The following ZFP62 variants were observed in gnomAD, a reference collection of about 807,000 sequenced individuals.
The protein encoded by ZFP62 is ZFP62 zinc finger protein, also known as zinc finger protein 62 homolog.
ZFP62 carries 44 observed loss-of-function variants against 56.4 expected under a neutral mutation model. The observed-to-expected ratio is 0.78, with a 90% CI of 0.61 to 1.00. The LOEUF (loss-of-function observed/expected upper bound fraction) is 1.00, where lower values mean the gene tolerates loss of function less well. Among genes scored for constraint, ZFP62 ranks in the 50% least tolerant of loss-of-function variants. The pLI is 0.00. For synonymous variants in ZFP62, 421 were observed against 388.9 expected, an observed-to-expected ratio of 1.08 and a Z score of -0.97; for missense variants, 1,030 against 1,085.7, an observed-to-expected ratio of 0.95 and a Z score of 0.72.
Position 180,850,282 on chromosome 5 carries a change from T to G in ZFP62, c.1213A>C (p.Ser405Arg). The change falls in exon 2 of 2, where the codon AGC becomes CGC. Residue 405 changes from serine to arginine, a missense_variant. Ser to Arg is a moderately radical substitution (Grantham distance 110, BLOSUM62 -1). Coordinates refer to ENST00000502412, the MANE Select transcript of ZFP62 (RefSeq NM_001172638.2). Reference sequence around the variant, plus strand: ...CTTTTATGGACTGCGAGGCCTGAGCTATAGCTGAATGCTTTGCCACAGACA... The same window carrying G: ...CTTTTATGGACTGCGAGGCCTGAGCGATAGCTGAATGCTTTGCCACAGACA... ...CDVCGKAFSY[S>R]SGLAVHKSIH... 2 of 1,558,780 alleles carry G rather than the reference T, an allele frequency of 1.3e-6. No homozygotes were observed. The highest frequency in any genetic ancestry group is 2.4e-5 in the South Asian group (2 of 84,492).
the ZFP62 span, among the ~76,000 whole-genome samples, chr5:180,828,833 G>A: frequency 6.6e-6 from 1 of 152,208 alleles, no homozygotes; most frequent in African/African-American, 2.4e-5. Context: ...GGACGTGCAA[G>A]TAGGGAAGAT....
rs1041166952 is a variant in ZFP62, at chr5:180,848,968, T to G, written c.2527A>C (p.Asn843His). 2.6e-6 allele frequency: 4 copies of G among 1,551,758 alleles called. No individual in the cohort carries two copies. The African/African-American group carries it at 5.5e-5, about 21-fold the overall frequency. Reference sequence around the variant, plus strand: ...ATATTAAAAGCCTTACCACACTCATTACATCGGTATGGCTTCTTTCCAGTG... The same window carrying G: ...ATATTAAAAGCCTTACCACACTCATGACATCGGTATGGCTTCTTTCCAGTG... ...IHTGKKPYRC[N>H]ECGKAFNIRS... The change falls in exon 2 of 2, where the codon AAT (asparagine) becomes CAT (histidine). Residue 843 changes from asparagine (N) to histidine (H), a missense_variant. By Grantham distance (68) the Asn-to-His change is moderately conservative. Transcript: ENST00000502412.
chr5:180,849,714 C>A lies in ZFP62; in HGVS notation c.1781G>T (p.Cys594Phe), dbSNP rs1223628430. The change falls in exon 2 of 2, where the codon TGT becomes TTT. Residue 594 changes from cysteine to phenylalanine, a missense_variant. Coordinates refer to ENST00000502412, the MANE Select transcript of ZFP62 (RefSeq NM_001172638.2). ...TCGGTATGTGATGAAGGCCTTCTCA[C>A]ACTCGTCACACTTAAAGGGCTTCTC... Reference protein sequence around the residue: ...PGEKPFKCDECEKAFITYRTL... With the variant: ...PGEKPFKCDEFEKAFITYRTL... 3.2e-6 allele frequency: 5 copies of A among 1,551,758 alleles called. No individual in the cohort carries two copies. The highest frequency in any genetic ancestry group is 4.4e-6 in the Non-Finnish European group (5 of 1,147,092).
chr5:180,849,960 T>A lies in ZFP62; in HGVS notation c.1535A>T (p.Lys512Ile). ...EKPYKCSYCE[K>I]SFNYSSALEQ... ...AAGGGCAGAGCTGTAGTTGAAGGAT[T>A]TCTCACAATAGCTACATTTATAGGG... Residue 512 changes from lysine (K) to isoleucine (I), a missense_variant, in exon 2 of 2, where the codon AAA (lysine) becomes ATA (isoleucine). By Grantham distance (102) the Lys-to-Ile change is moderately radical. Coordinates refer to ENST00000502412, the MANE Select transcript of ZFP62 (RefSeq NM_001172638.2). 6.4e-7 allele frequency: 1 copy of A among 1,551,702 alleles called. No individual in the cohort carries two copies. Among genetic ancestry groups the A allele is most frequent in the Non-Finnish European group, 8.7e-7 (1 of 1,147,002 alleles).
At chr5:180,844,936 C>A (rs1380876703), downstream of ZFP62, among the ~76,000 whole-genome samples, 1 of 152,132 alleles carries the variant, frequency 6.6e-6, no homozygotes, top group African/African-American at 2.4e-5. Flanking sequence ...TATGCAAATA[C>A]TTCTCATTCT....
In ZFP62 at chr5:180,850,441, GAA is replaced by G; in HGVS notation, c.1052_1053del (p.Leu351ProfsTer5). ...ECEKSFNYSS[L>X]LIQHKVIHTG... ...GTGTGGATGACTTTATGCTGAATGA[GAA>G]GAGAGCTATAATTAAAAGATTTCTC... On this transcript the variant is annotated frameshift_variant, in exon 2 of 2. Transcript: ENST00000502412. LOFTEE classifies it high-confidence loss of function. 6.4e-7 allele frequency: 1 copy of G among 1,554,116 alleles called. No homozygotes were observed. The highest frequency in any genetic ancestry group is 8.7e-7 in the Non-Finnish European group (1 of 1,148,412).
chr5:180,845,833 CA>C (rs1164107103), downstream of ZFP62: 3 of 985,356 alleles, frequency 3.0e-6, no homozygotes, highest in African/African-American at 5.2e-5. Flanking sequence ...CCCTGCATTG[CA>C]GGATTGGTGT....
At chr5:180,856,247 C>T (rs993233500) in intron 1 of ZFP62, among the ~76,000 whole-genome samples, 1 of 152,162 alleles carries the variant, frequency 6.6e-6, no homozygotes, top group Admixed American at 6.5e-5. Context: ...TTCATCCAAT[C>T]CTCTTCTTGA....
downstream of ZFP62, chr5:180,845,775 T>C: frequency 1.0e-6 from 1 of 985,432 alleles, no homozygotes; most frequent in Non-Finnish European, 1.2e-6. Context: ...CTTCAGGTGT[T>C]GTCCTGGTGG....
chr5:180,833,492 A>AAC, the ZFP62 span, among the ~76,000 whole-genome samples: 5 of 150,062 alleles, frequency 3.3e-5, no homozygotes, highest in Admixed American at 1.3e-4. Context: ...AAAAAAAAAA[A>AAC]AAAAAGAGAA....
chr5:180,831,267 GC>G, the ZFP62 span: 1 of 152,754 alleles, frequency 6.5e-6, no homozygotes, highest in South Asian at 2.0e-4. Flanking sequence ...GAGCAGAGCG[GC>G]CCCAGGGCCT....
At chr5:180,859,210 A>G (rs1484005535) in intron 1 of ZFP62, among the ~76,000 whole-genome samples, 1 of 152,222 alleles carries the variant, frequency 6.6e-6, no homozygotes, top group African/African-American at 2.4e-5. Flanking sequence ...CATATTCCAC[A>G]AGACAATCTA....
At chr5:180,857,534 T>A (rs1774054981) in intron 1 of ZFP62, among the ~76,000 whole-genome samples, 1 of 152,238 alleles carries the variant, frequency 6.6e-6, no homozygotes, top group Non-Finnish European at 1.5e-5. Flanking sequence ...AGTCTTGCTC[T>A]GTTGCCCAGG....
downstream of ZFP62, chr5:180,845,761 C>G: frequency 2.0e-6 from 2 of 985,420 alleles, no homozygotes; most frequent in Non-Finnish European, 2.4e-6. Context: ...TCAGCTAACA[C>G]CATCTTCAGG....
chr5:180,849,430 T>G lies in ZFP62; in HGVS notation c.2065A>C (p.Ile689Leu). ...CCAGGGTGGGTACTCTTATGGTTAA[T>G]AAGGCTTGAGTGTGAGATGTAGGCT... ...GKAYISHSSLINHKSTHPGRT... is the reference protein window; with the variant it reads ...GKAYISHSSLLNHKSTHPGRT... Residue 689 changes from isoleucine (I) to leucine (L), a missense_variant, in exon 2 of 2, where the codon ATT (isoleucine) becomes CTT (leucine). Coordinates refer to ENST00000502412, the MANE Select transcript of ZFP62 (RefSeq NM_001172638.2). 1 of 1,551,514 alleles carries G rather than the reference T, an allele frequency of 6.4e-7. No homozygotes were observed. The highest frequency in any genetic ancestry group is 1.2e-5 in the South Asian group (1 of 84,016).
At chr5:180,853,754 T>C (rs599582) in intron 1 of ZFP62, among the ~76,000 whole-genome samples, 144,573 of 152,346 alleles carry the variant, frequency 0.95, 68,655 homozygotes, top group East Asian at 1. Context: ...GAGGTACAAA[T>C]AATTCAACTG....
chr5:180,835,800 T>C, the ZFP62 span: 2 of 152,228 alleles, frequency 1.3e-5, no homozygotes, highest in African/African-American at 2.4e-5. Context: ...CTATTTCAAG[T>C]GCAGTATGAA....
chr5:180,850,080 G>A lies in ZFP62; in HGVS notation c.1415C>T (p.Thr472Ile). Residue 472 changes from threonine (T) to isoleucine (I), a missense_variant, in exon 2 of 2, where the codon ACT (threonine) becomes ATT (isoleucine). Thr to Ile is a moderately conservative substitution (Grantham distance 89). Coordinates refer to ENST00000502412, the MANE Select transcript of ZFP62 (RefSeq NM_001172638.2). Reference sequence around the variant, plus strand: ...ATCACACTTATATGGTTTTTCCCCAGTATGGAGCCTCCTGTGGACTTTGAG... The same window carrying A: ...ATCACACTTATATGGTTTTTCCCCAATATGGAGCCTCCTGTGGACTTTGAG... ...AGLKVHRRLH[T>I]GEKPYKCDVC... 1 of 1,551,856 alleles carries A rather than the reference G, an allele frequency of 6.4e-7. No individual in the cohort carries two copies. The highest frequency in any genetic ancestry group is 8.7e-7 in the Non-Finnish European group (1 of 1,147,092).
At chr5:180,860,995 C>T (rs981475571) in intron 1 of ZFP62, among the ~76,000 whole-genome samples, 1 of 152,198 alleles carries the variant, frequency 6.6e-6, no homozygotes, top group African/African-American at 2.4e-5. Context: ...CACACAGAGC[C>T]CAGTCTGTTC....
Sources: gnomAD v4.1 joint callset for allele counts (sites outside exome capture counted in the v4.1 genomes callset) on GRCh38, gnomAD v4.1.1 for gene constraint, MANE v1.5 for transcripts, NCBI Gene and HGNC (gene_info 2026-07-23, HGNC 2026-07-21) for gene names.